SGMS1: variants seen among roughly 807,000 people sequenced by gnomAD.
SGMS1 encodes sphingomyelin synthase 1.
In SGMS1, 13 loss-of-function variants were observed where a neutral mutation model predicts 46.2. The observed-to-expected ratio is 0.28, with a 90% CI of 0.18 to 0.45. The LOEUF (loss-of-function observed/expected upper bound fraction) is 0.45, where lower values mean the gene tolerates loss of function less well. SGMS1 is among the 20% of genes least tolerant of loss of function. The probability of loss-of-function intolerance (pLI) is 1.00; values close to 1 mark genes in which losing one functional copy is unlikely to be tolerated. For synonymous variants in SGMS1, 203 were observed against 187.8 expected (o/e 1.08, Z -0.66); for missense variants, 324 against 519.9 (o/e 0.62, Z 3.66).
rs527868927 is a variant in SGMS1, at chr10:50,440,620, A to C, written c.-312-7064T>G. On this transcript the variant is annotated intron_variant, in intron 5 of 10. Coordinates refer to ENST00000361781, the MANE Select transcript of SGMS1 (RefSeq NM_147156.4). ...CTTTAGATATACATAAAATATTTCC[A>C]GAAACAGGCTCTCACTCTGTTGCTC... Among the ~76,000 whole-genome samples the C allele has an allele frequency of 1.6e-4, 25 of 152,318 alleles. No homozygotes were observed. In the South Asian group the frequency reaches 4.8e-3, roughly 29 times the overall value.
intron 2 of SGMS1, among the ~76,000 whole-genome samples, chr10:50,589,636 A>AT (rs201379718): frequency 5.3e-4 from 81 of 151,534 alleles, no homozygotes; most frequent in African/African-American, 1.9e-3. Context: ...CACCCAGCTA[A>AT]TTTTTTTTGT....
intron 1 of SGMS1, among the ~76,000 whole-genome samples, chr10:50,609,517 AAT>A (rs1838727664): frequency 1.7e-5 from 2 of 115,448 alleles, no homozygotes; most frequent in Non-Finnish European, 3.4e-5. Flanking sequence ...GTACCTTCTC[AAT>A]AGTTTTTTTT....
chr10:50,601,883 C>T (rs1029048227), intron 1 of SGMS1, among the ~76,000 whole-genome samples: 1 of 152,176 alleles, frequency 6.6e-6, no homozygotes. Context: ...CTACATATAG[C>T]CTGAAGGTAA....
At position 50,505,185 on chromosome 10, in the gene SGMS1, C is replaced by T. The variant is rs981823046; in HGVS notation, c.-498+14646G>A. 5.3e-5 allele frequency among the ~76,000 whole-genome samples: 8 copies of T among 152,110 alleles called. No homozygotes were observed. The East Asian group carries it at 1.5e-3, about 29-fold the overall frequency. On this transcript the variant is annotated intron_variant, in intron 3 of 10. Transcript: ENST00000361781. Reference sequence around the variant, plus strand: ...GTGCTATGATTGTGCCACTGCACTCCACCCTGGGCAACAGAGTGAGACCCT... The same window carrying T: ...GTGCTATGATTGTGCCACTGCACTCTACCCTGGGCAACAGAGTGAGACCCT...
chr10:50,401,593 G>A (rs1011162697), intron 6 of SGMS1, among the ~76,000 whole-genome samples: 6 of 152,088 alleles, frequency 3.9e-5, no homozygotes, highest in African/African-American at 1.4e-4. Context: ...CCTTCAAAAG[G>A]TCTATATGCC....
intron 2 of SGMS1, among the ~76,000 whole-genome samples, chr10:50,571,360 G>T (rs886610637): frequency 1.3e-5 from 2 of 152,220 alleles, no homozygotes; most frequent in African/African-American, 4.8e-5. Flanking sequence ...TTAAAGGAAT[G>T]CAATGGTCAT....
intron 3 of SGMS1, among the ~76,000 whole-genome samples, chr10:50,485,819 G>A (rs1487043031): frequency 1.3e-5 from 2 of 152,078 alleles, no homozygotes; most frequent in Admixed American, 6.5e-5. Flanking sequence ...AGAATCACTT[G>A]AGCCCAGGAG....
At chr10:50,406,650 A>AC (rs1308120742) in intron 6 of SGMS1, among the ~76,000 whole-genome samples, 1 of 151,556 alleles carries the variant, frequency 6.6e-6, no homozygotes, top group Non-Finnish European at 1.5e-5. Context: ...AGTTCTGTTT[A>AC]CTTTTTATTA....
At chr10:50,391,015 C>G (rs1848757373) in intron 6 of SGMS1, among the ~76,000 whole-genome samples, 1 of 152,210 alleles carries the variant, frequency 6.6e-6, no homozygotes, top group South Asian at 2.1e-4. Flanking sequence ...GCACTCTGCC[C>G]TGGCCTTGTC....
chr10:50,537,998 G>A (rs1838018639), intron 2 of SGMS1, among the ~76,000 whole-genome samples: 1 of 152,128 alleles, frequency 6.6e-6, no homozygotes, highest in African/African-American at 2.4e-5. Context: ...CTGCTACTCA[G>A]GAGGCTGGGG....
At chr10:50,355,494 C>G (rs2133395181) in intron 6 of SGMS1, among the ~76,000 whole-genome samples, 1 of 152,340 alleles carries the variant, frequency 6.6e-6, no homozygotes, top group East Asian at 1.9e-4. Flanking sequence ...GGGCTGGTCT[C>G]CAGCTCCTGA....
chr10:50,313,865 T>C (rs116580604), intron 8 of SGMS1, among the ~76,000 whole-genome samples: 154 of 152,316 alleles, frequency 1.0e-3, no homozygotes, highest in African/African-American at 3.4e-3. Context: ...CTGTATTTCT[T>C]ACAGGTACCC....
intron 6 of SGMS1, among the ~76,000 whole-genome samples, chr10:50,372,519 G>A (rs933018834): frequency 3.3e-5 from 5 of 151,904 alleles, no homozygotes; most frequent in Non-Finnish European, 5.9e-5. Context: ...ATGGTGAAAC[G>A]CCATCTCTAC....
intron 7 of SGMS1, among the ~76,000 whole-genome samples, chr10:50,331,161 T>C (rs992241466): frequency 6.6e-6 from 1 of 152,214 alleles, no homozygotes; most frequent in African/African-American, 2.4e-5. Flanking sequence ...ACAAAGTTTC[T>C]ATTGAGGTAT....
At chr10:50,454,205 G>A (rs1015519173) in intron 5 of SGMS1, among the ~76,000 whole-genome samples, 29 of 152,238 alleles carry the variant, frequency 1.9e-4, no homozygotes, top group African/African-American at 6.7e-4. Context: ...ACACAATGGG[G>A]ACAGATCATG....
In SGMS1 at chr10:50,319,161, C is replaced by CAAA. The variant is rs5784829; in HGVS notation, c.742-7749_742-7747dup. Among the ~76,000 whole-genome samples, 376 of 107,818 alleles carry CAAA rather than the reference C, an allele frequency of 3.5e-3. 4 individuals are homozygous for CAAA. The highest frequency in any genetic ancestry group is 0.012 in the African/African-American group (354 of 30,238). 70.7% of individuals were successfully genotyped at this position (107,818 alleles called of 152,430 possible). On this transcript the variant is annotated intron_variant, in intron 8 of 10. Coordinates refer to ENST00000361781, the MANE Select transcript of SGMS1 (RefSeq NM_147156.4). ...CTGGTCAGGAAGTGAGATTTGCCAC[C>CAAA]AAAAAAAAAAAAAAAAAAAATTGCC...
intron 5 of SGMS1, among the ~76,000 whole-genome samples, chr10:50,439,779 C>G (rs975583182): frequency 1.4e-4 from 22 of 152,246 alleles, no homozygotes; most frequent in Admixed American, 2.6e-4. Flanking sequence ...GTCTTTTCTT[C>G]TGAATAATTT....
At chr10:50,615,487 G>A (rs948141650) in intron 1 of SGMS1, among the ~76,000 whole-genome samples, 2 of 152,160 alleles carry the variant, frequency 1.3e-5, no homozygotes, top group Non-Finnish European at 2.9e-5. Context: ...AGGTGCAGAA[G>A]GTTTGCATAA....
chr10:50,557,779 A>G (rs1838200884), intron 2 of SGMS1, among the ~76,000 whole-genome samples: 1 of 152,106 alleles, frequency 6.6e-6, no homozygotes. Flanking sequence ...AGCAATCAGC[A>G]TACCTGCCTT....
Sources: allele counts gnomAD v4.1 joint callset (sites outside exome capture counted in the v4.1 genomes callset), GRCh38; gene constraint gnomAD v4.1.1; transcripts MANE v1.5; gene names NCBI Gene and HGNC (gene_info 2026-07-23, HGNC 2026-07-21).